The following NKAIN3 variants were observed in gnomAD, a reference collection of about 807,000 sequenced individuals.
NKAIN3 encodes the protein sodium/potassium transporting ATPase interacting 3, also known as sodium/potassium-transporting ATPase subunit beta-1-interacting protein 3.
NKAIN3 carries 25 observed loss-of-function variants against 30.2 expected under a neutral mutation model. The observed-to-expected ratio is 0.83, with a 90% CI of 0.60 to 1.16. NKAIN3 has a LOEUF of 1.16. Among genes scored for constraint, NKAIN3 ranks in the 50% most tolerant of loss-of-function variants. The pLI is 0.00. For synonymous variants in NKAIN3, 91 were observed against 89.6 expected (o/e 1.02, Z -0.09); for missense variants, 225 against 254.1 (o/e 0.89, Z 0.78).
rs145062508 is a variant in NKAIN3, at chr8:62,937,188, C to T, written c.533-16714C>T. On this transcript the variant is annotated intron_variant, in intron 5 of 6. Transcript: ENST00000623646. ...GCAGACAGGAGACAGAACTAACTTG[C>T]GGCTCCCACTCAGATAGACAGAACA... is the stretch of plus-strand genomic sequence containing the variant. 5.3e-3 allele frequency among the ~76,000 whole-genome samples: 813 copies of T among 152,154 alleles called. 16 individuals are homozygous for T. The highest frequency in any genetic ancestry group is 0.019 in the African/African-American group (789 of 41,474).
At chr8:62,891,614 G>A (rs147386398) in intron 4 of NKAIN3, among the ~76,000 whole-genome samples, 223 of 152,204 alleles carry the variant, frequency 1.5e-3, no homozygotes, top group African/African-American at 4.9e-3. Flanking sequence ...TGGAAAAATC[G>A]AGCCAGCTTG....
rs1823747057 is a variant in NKAIN3, at chr8:62,967,901, C to A, written c.*2494C>A. ...TTGTACATAGTTCTAGTAGGCACTGCAGAGTCTGAACTTAGTCTAAGTGCA... is the reference window on the plus strand; with the variant it reads ...TTGTACATAGTTCTAGTAGGCACTGAAGAGTCTGAACTTAGTCTAAGTGCA... On this transcript the variant is annotated 3_prime_UTR_variant, in exon 7 of 7. Transcript: ENST00000623646. Among the ~76,000 whole-genome samples, 1 of 152,134 alleles carries A rather than the reference C, an allele frequency of 6.6e-6. No homozygotes were observed. The highest frequency in any genetic ancestry group is 1.5e-5 in the Non-Finnish European group (1 of 68,008).
intron 1 of NKAIN3, among the ~76,000 whole-genome samples, chr8:62,484,781 G>T (rs980209378): frequency 6.6e-5 from 10 of 152,292 alleles, no homozygotes; most frequent in Admixed American, 5.9e-4. Context: ...ATCACTTTCT[G>T]ATGTAGCCTC....
chr8:62,414,557 A>G (rs1299533117), intron 1 of NKAIN3, among the ~76,000 whole-genome samples: 1 of 152,188 alleles, frequency 6.6e-6, no homozygotes, highest in East Asian at 1.9e-4. Flanking sequence ...AGGAGTGTGA[A>G]AAATGAGTCA....
intron 4 of NKAIN3, among the ~76,000 whole-genome samples, chr8:62,849,419 G>A (rs929236022): frequency 1.3e-5 from 2 of 151,352 alleles, no homozygotes; most frequent in Admixed American, 1.3e-4. Flanking sequence ...TATGTGCCAG[G>A]AATGTATCCA....
intron 3 of NKAIN3, among the ~76,000 whole-genome samples, chr8:62,652,744 A>G (rs1488895900): frequency 2.0e-5 from 3 of 152,164 alleles, no homozygotes; most frequent in African/African-American, 7.2e-5. Flanking sequence ...GAGCTCTTCT[A>G]AGCACTGTAC....
intron 1 of NKAIN3, among the ~76,000 whole-genome samples, chr8:62,264,839 G>A (rs1240487993): frequency 6.6e-6 from 1 of 152,140 alleles, no homozygotes; most frequent in Non-Finnish European, 1.5e-5. Context: ...TCCTGGGACT[G>A]TAGCCTGGCT....
chr8:62,682,178 G>A (rs1462676394), intron 3 of NKAIN3, among the ~76,000 whole-genome samples: 1 of 152,126 alleles, frequency 6.6e-6, no homozygotes, highest in Non-Finnish European at 1.5e-5. Flanking sequence ...GTGGAAGTAG[G>A]AAAAGGGGAT....
At chr8:62,380,110 GTTAA>G (rs1432808389) in intron 1 of NKAIN3, among the ~76,000 whole-genome samples, 1 of 152,178 alleles carries the variant, frequency 6.6e-6, no homozygotes, top group Admixed American at 6.5e-5. Context: ...TGTATTGTAT[GTTAA>G]CATTGTTAAC....
intron 1 of NKAIN3, among the ~76,000 whole-genome samples, chr8:62,315,455 A>C (rs899823753): frequency 1.3e-5 from 2 of 152,208 alleles, no homozygotes; most frequent in South Asian, 2.1e-4. Flanking sequence ...AGTTCATAGT[A>C]TTTCATAGAA....
chr8:62,251,928 A>G (rs1812117469), intron 1 of NKAIN3, among the ~76,000 whole-genome samples: 1 of 152,250 alleles, frequency 6.6e-6, no homozygotes, highest in Non-Finnish European at 1.5e-5. Flanking sequence ...TTAACTATTC[A>G]GTACCTTGGT....
At chr8:62,927,727 G>A (rs750479323) in intron 5 of NKAIN3, among the ~76,000 whole-genome samples, 1 of 152,100 alleles carries the variant, frequency 6.6e-6, no homozygotes, top group Non-Finnish European at 1.5e-5. Flanking sequence ...TTGGAGTGAT[G>A]AGCTGTCATT....
chr8:62,721,249 T>C (rs1313244382), intron 3 of NKAIN3, among the ~76,000 whole-genome samples: 2 of 152,194 alleles, frequency 1.3e-5, no homozygotes, highest in African/African-American at 4.8e-5. Flanking sequence ...GCCTCAATTC[T>C]AAAATATAAG....
intron 1 of NKAIN3, among the ~76,000 whole-genome samples, chr8:62,476,030 T>C (rs553584767): frequency 1.3e-5 from 2 of 152,194 alleles, no homozygotes; most frequent in Admixed American, 6.5e-5. Flanking sequence ...TTTGAAAAAA[T>C]ACATGGCACA....
intron 2 of NKAIN3, among the ~76,000 whole-genome samples, chr8:62,584,467 A>G (rs1810408440): frequency 6.6e-6 from 1 of 152,210 alleles, no homozygotes; most frequent in Non-Finnish European, 1.5e-5. Context: ...GTAAAGGACC[A>G]TGAGACTCAA....
At chr8:62,344,881 G>T in intron 1 of NKAIN3, 1 of 433,324 alleles carries the variant, frequency 2.3e-6, no homozygotes, top group South Asian at 1.7e-5. Flanking sequence ...GCATTAAATT[G>T]TTAGATAACT....
chr8:62,484,972 G>A (rs1585860030), intron 1 of NKAIN3, among the ~76,000 whole-genome samples: 1 of 152,120 alleles, frequency 6.6e-6, no homozygotes, highest in African/African-American at 2.4e-5. Flanking sequence ...ATGCATTCCT[G>A]TACATAACTC....
chr8:62,734,999 G>A (rs972532973), intron 3 of NKAIN3, among the ~76,000 whole-genome samples: 1 of 152,122 alleles, frequency 6.6e-6, no homozygotes, highest in African/African-American at 2.4e-5. Flanking sequence ...TTCTTTCTAG[G>A]TTACCTGATG....
intron 6 of NKAIN3, among the ~76,000 whole-genome samples, chr8:62,955,375 A>G (rs943297683): frequency 8.5e-5 from 13 of 152,204 alleles, no homozygotes; most frequent in Non-Finnish European, 1.6e-4. Flanking sequence ...TGATGTTTGT[A>G]GATATGGGGA....
Sources: gnomAD v4.1 joint callset for allele counts (sites outside exome capture counted in the v4.1 genomes callset) on GRCh38, gnomAD v4.1.1 for gene constraint, MANE v1.5 for transcripts, NCBI Gene and HGNC (gene_info 2026-07-23, HGNC 2026-07-21) for gene names.